C10orf90: variants seen among roughly 807,000 people sequenced by gnomAD.
The protein encoded by C10orf90 is chromosome 10 open reading frame 90.
C10orf90 carries 56 observed loss-of-function variants against 62.5 expected under a neutral mutation model. That is an observed-to-expected ratio of 0.90 (90% CI 0.72 to 1.12). C10orf90 has a LOEUF of 1.12. Ranked by LOEUF, C10orf90 falls within the 50% of genes most tolerant of loss-of-function variation. The pLI is 0.00. For synonymous variants in C10orf90, 386 were observed against 340.4 expected (o/e 1.13, Z -1.47); for missense variants, 970 against 880.4 (o/e 1.10, Z -1.29).
At chr10:126,517,030 A>G (rs1350398649) in intron 2 of C10orf90, among the ~76,000 whole-genome samples, 1 of 147,122 alleles carries the variant, frequency 6.8e-6, no homozygotes, top group African/African-American at 2.5e-5. Flanking sequence ...TATTAACTAT[A>G]TCTCATTTGC....
intron 2 of C10orf90, among the ~76,000 whole-genome samples, chr10:126,532,431 A>G (rs1591074950): frequency 6.6e-6 from 1 of 152,166 alleles, no homozygotes; most frequent in East Asian, 1.9e-4. Flanking sequence ...AACCTCAGAG[A>G]AGACAGCTCC....
Position 126,508,608 on chromosome 10 carries a change from T to C in C10orf90, c.406-3523A>G, listed in dbSNP as rs544549057. ...CCTAGAATTTGTATCTTTCACCAGC[T>C]CCCAGGTGATTCTTCTGCATGGATA... is the stretch of plus-strand genomic sequence containing the variant. On this transcript the variant is annotated intron_variant, in intron 3 of 9. Transcript: ENST00000488181. Among the ~76,000 whole-genome samples, 5 of 152,116 alleles carry C rather than the reference T, an allele frequency of 3.3e-5. No individual in the cohort carries two copies. The East Asian group carries it at 9.7e-4, about 29-fold the overall frequency.
intron 2 of C10orf90, among the ~76,000 whole-genome samples, chr10:126,515,525 G>A (rs992811595): frequency 1.3e-5 from 2 of 152,086 alleles, no homozygotes; most frequent in African/African-American, 2.4e-5. Context: ...CACTATACAC[G>A]TTTCTAGCCC....
chr10:126,461,528 T>C lies in C10orf90; in HGVS notation c.1883A>G (p.Asp628Gly). The C allele has an allele frequency of 6.2e-7, 1 of 1,613,640 alleles. No individual in the cohort carries two copies. Among genetic ancestry groups the C allele is most frequent in the South Asian group, 1.1e-5 (1 of 91,008 alleles). The change falls in exon 6 of 10, where the codon GAC (aspartate) becomes GGC (glycine). Residue 628 changes from aspartate to glycine, a missense_variant. Asp to Gly is a moderately conservative substitution (Grantham distance 94). Transcript: ENST00000488181. ...TGGGGAGGGCTCAGGTGTGGTGGGG[T>C]CCTCACTCTTCTTACATTCCTTTAT... The part of the protein sequence containing the change: ...VKIKECKKSE[D>G]PTTPEPSPAA...
chr10:126,437,016 A>G (rs1857968141), intron 7 of C10orf90, among the ~76,000 whole-genome samples: 1 of 152,126 alleles, frequency 6.6e-6, no homozygotes, highest in African/African-American at 2.4e-5. Context: ...GGCAATGCCA[A>G]CGACCACTGT....
rs142677633 is a variant in C10orf90 at position 126,471,988 on chromosome 10, T to C, written c.1535-7002A>G. 5.5e-4 allele frequency among the ~76,000 whole-genome samples: 84 copies of C among 152,278 alleles called. No individual in the cohort carries two copies. The East Asian group carries it at 0.011, about 20-fold the overall frequency. ...TTCCTAATAACAAGATTACTTCGACTACATTGCGAACATGATCAACAGAAA... is the reference window on the plus strand; with the variant it reads ...TTCCTAATAACAAGATTACTTCGACCACATTGCGAACATGATCAACAGAAA... On this transcript the variant is annotated intron_variant, in intron 4 of 9. Transcript: ENST00000488181.
At chr10:126,471,060 CA>C (rs1372737302) in intron 4 of C10orf90, among the ~76,000 whole-genome samples, 1 of 152,042 alleles carries the variant, frequency 6.6e-6, no homozygotes, top group Non-Finnish European at 1.5e-5. Context: ...GGAAGGGAGT[CA>C]AAAAAGGTAG....
chr10:126,618,936 T>A (rs144352237), intron 2 of C10orf90, among the ~76,000 whole-genome samples: 1 of 152,142 alleles, frequency 6.6e-6, no homozygotes, highest in African/African-American at 2.4e-5. Context: ...TAAATGCCCA[T>A]GAGCGGTAGG....
chr10:126,590,733 G>A (rs951618369), intron 2 of C10orf90, among the ~76,000 whole-genome samples: 5 of 152,014 alleles, frequency 3.3e-5, no homozygotes, highest in African/African-American at 1.2e-4. Flanking sequence ...CAAAAAGCTA[G>A]AAAGATCTCA....
At chr10:126,565,608 G>C (rs575272678) in intron 2 of C10orf90, among the ~76,000 whole-genome samples, 1 of 150,954 alleles carries the variant, frequency 6.6e-6, no homozygotes, top group South Asian at 2.1e-4. Context: ...CGCACTCTGC[G>C]GTCCAGGCTC....
At chr10:126,461,331 G>A in intron 6 of C10orf90, 70 bp downstream of exon 6, 3 of 1,546,262 alleles carry the variant, frequency 1.9e-6, no homozygotes, top group Non-Finnish European at 2.6e-6. Context: ...GTGAGGTTGT[G>A]TGCTCACGGA....
intron 7 of C10orf90, among the ~76,000 whole-genome samples, chr10:126,433,528 C>T (rs1266106905): frequency 6.6e-6 from 1 of 152,076 alleles, no homozygotes; most frequent in Non-Finnish European, 1.5e-5. Context: ...GATGAGTCAT[C>T]CTTGATTCAT....
At position 126,534,164 on chromosome 10, in the gene C10orf90, G is replaced by T. The variant is rs569460691; in HGVS notation, c.314-20225C>A. ...CCCCAATGAGATCAGCTTTCCTCGAGAACCCTCTGCATTGCACAGCCAGGG... is the reference window on the plus strand; with the variant it reads ...CCCCAATGAGATCAGCTTTCCTCGATAACCCTCTGCATTGCACAGCCAGGG... On this transcript the variant is annotated intron_variant, in intron 2 of 9. Transcript: ENST00000488181. Among the ~76,000 whole-genome samples, 24 of 152,302 alleles carry T rather than the reference G, an allele frequency of 1.6e-4. No homozygotes were observed. In the East Asian group the frequency reaches 4.4e-3, roughly 28 times the overall value.
In C10orf90 at chr10:126,474,703, GACTTA is replaced by G. The variant is rs544642506; in HGVS notation, c.1535-9722_1535-9718del. 5.8e-3 allele frequency among the ~76,000 whole-genome samples: 878 copies of G among 152,284 alleles called. 13 individuals are homozygous for G. Among genetic ancestry groups the G allele is most frequent in the Middle Eastern group, 6.8e-3 (2 of 294 alleles). ...TCGGTCATATCAATAAATGTGAATG[GACTTA>G]ACTTATCTTTTAAAAGAAAAAGATT... On this transcript the variant is annotated intron_variant, in intron 4 of 9. Transcript: ENST00000488181.
At chr10:126,565,302 ATATAT>A (rs1196586367) in intron 2 of C10orf90, among the ~76,000 whole-genome samples, 3 of 63,350 alleles carry the variant, frequency 4.7e-5, no homozygotes, top group Non-Finnish European at 8.0e-5. Flanking sequence ...TATTTATATT[ATATAT>A]TATATTATAT....
At chr10:126,584,424 C>T (rs974170669) in intron 2 of C10orf90, among the ~76,000 whole-genome samples, 5 of 152,102 alleles carry the variant, frequency 3.3e-5, no homozygotes, top group African/African-American at 1.2e-4. Flanking sequence ...TGTCCACCTT[C>T]CATCTGTCCA....
chr10:126,553,717 C>T (rs904579014), intron 2 of C10orf90, among the ~76,000 whole-genome samples: 4 of 152,166 alleles, frequency 2.6e-5, no homozygotes, highest in Non-Finnish European at 5.9e-5. Context: ...GCTATACCAT[C>T]TAGGTTTCTG....
intron 2 of C10orf90, among the ~76,000 whole-genome samples, chr10:126,531,017 T>C (rs1287448344): frequency 6.6e-6 from 1 of 151,488 alleles, no homozygotes; most frequent in Non-Finnish European, 1.5e-5. Context: ...CTACTAAAAA[T>C]ACAAAAATTA....
intron 2 of C10orf90, among the ~76,000 whole-genome samples, chr10:126,628,361 G>GTGGA (rs1300061192): frequency 1.3e-5 from 2 of 152,190 alleles, no homozygotes; most frequent in Admixed American, 1.3e-4. Flanking sequence ...AAATGGGTGG[G>GTGGA]TGGATGGATG....
Sources: allele counts gnomAD v4.1 joint callset (sites outside exome capture counted in the v4.1 genomes callset), GRCh38; gene constraint gnomAD v4.1.1; transcripts MANE v1.5; gene names NCBI Gene and HGNC (gene_info 2026-07-23, HGNC 2026-07-21).